The following CNTNAP5 variants were observed in gnomAD, a reference collection of about 807,000 sequenced individuals.
The protein encoded by CNTNAP5 is contactin-associated protein-like 5.
A neutral mutation model predicts 150.2 loss-of-function variants in CNTNAP5; 72 were observed. The ratio of observed to expected loss-of-function variants is 0.48; its 90% CI spans 0.40 to 0.58. CNTNAP5 has a LOEUF of 0.58. Among genes scored for constraint, CNTNAP5 ranks in the 20% least tolerant of loss-of-function variants. The probability of loss-of-function intolerance (pLI) is 0.00; values close to 1 mark genes in which losing one functional copy is unlikely to be tolerated. For missense variants in CNTNAP5, 1,636 were observed against 1,626.2 expected (o/e 1.01, Z -0.10); for synonymous variants, 672 against 619.8 (o/e 1.08, Z -1.25).
At chr2:124,317,873 C>CT (rs1208629515) in intron 3 of CNTNAP5, among the ~76,000 whole-genome samples, 8 of 152,258 alleles carry the variant, frequency 5.3e-5, no homozygotes, top group Admixed American at 5.2e-4. Flanking sequence ...TATTCCAGAA[C>CT]TTTTGCTAGA....
At chr2:124,865,588 T>G (rs1015282947) in intron 20 of CNTNAP5, among the ~76,000 whole-genome samples, 152 bp downstream of exon 20, 4 of 152,216 alleles carry the variant, frequency 2.6e-5, no homozygotes, top group African/African-American at 9.6e-5. Flanking sequence ...ACTAGGATAG[T>G]GGTTCTCAAG....
chr2:124,751,024 A>G (rs572242222), intron 14 of CNTNAP5, among the ~76,000 whole-genome samples: 1 of 151,084 alleles, frequency 6.6e-6, no homozygotes, highest in Non-Finnish European at 1.5e-5. Context: ...AAAAACTGCC[A>G]TGAGTTTTGC....
intron 19 of CNTNAP5, among the ~76,000 whole-genome samples, chr2:124,850,777 G>A (rs543064820): frequency 3.9e-5 from 6 of 152,124 alleles, no homozygotes; most frequent in Admixed American, 1.3e-4. Flanking sequence ...AAGGAAACTA[G>A]GAGAGAAAAA....
chr2:124,780,722 G>T (rs1681432063), intron 17 of CNTNAP5, among the ~76,000 whole-genome samples: 1 of 152,142 alleles, frequency 6.6e-6, no homozygotes. Context: ...GAGAGGATGT[G>T]CCCAGACCAG....
At chr2:124,173,689 A>G (rs1684989572) in intron 1 of CNTNAP5, among the ~76,000 whole-genome samples, 1 of 152,212 alleles carries the variant, frequency 6.6e-6, no homozygotes, top group African/African-American at 2.4e-5. Context: ...CTGTCTCCAT[A>G]ACATACAAGT....
chr2:124,754,097 C>T (rs980791116), intron 14 of CNTNAP5, among the ~76,000 whole-genome samples: 1 of 152,058 alleles, frequency 6.6e-6, no homozygotes, highest in South Asian at 2.1e-4. Flanking sequence ...TTTGATCTTT[C>T]AGAACTCTTT....
At chr2:124,545,120 T>C (rs577019330) in intron 10 of CNTNAP5, among the ~76,000 whole-genome samples, 61 of 152,346 alleles carry the variant, frequency 4.0e-4, no homozygotes, top group African/African-American at 1.4e-3. Flanking sequence ...TTAGAATTCA[T>C]GTTAAAAAAA....
intron 10 of CNTNAP5, among the ~76,000 whole-genome samples, chr2:124,561,321 A>T (rs760390313): frequency 6.6e-6 from 1 of 152,178 alleles, no homozygotes; most frequent in Non-Finnish European, 1.5e-5. Context: ...GGATCTCCTG[A>T]GGACATGCCT....
chr2:124,614,873 G>C (rs1054556097), intron 12 of CNTNAP5, among the ~76,000 whole-genome samples: 2 of 151,962 alleles, frequency 1.3e-5, no homozygotes, highest in African/African-American at 4.8e-5. Flanking sequence ...ATTTTACCCA[G>C]TCCCTATTCA....
chr2:124,355,505 C>G (rs1457163783), intron 3 of CNTNAP5, among the ~76,000 whole-genome samples: 1 of 152,106 alleles, frequency 6.6e-6, no homozygotes, highest in Non-Finnish European at 1.5e-5. Context: ...TCCCACTGAA[C>G]CAACTTTTCC....
rs78813229 is a variant in CNTNAP5 at position 124,384,469 on chromosome 2, A to G, written c.382-32974A>G. Among the ~76,000 whole-genome samples, 219 of 152,330 alleles carry G rather than the reference A, an allele frequency of 1.4e-3. 1 individual carries two copies. In the East Asian group the frequency reaches 0.029, roughly 20 times the overall value. ...TAGAGAAAGGAGGTGTATTTTGGAC[A>G]TAAAGAAAGGGGAAGATGCTTATCA... is the stretch of plus-strand genomic sequence containing the variant. On this transcript the variant is annotated intron_variant, in intron 3 of 23. Coordinates refer to ENST00000682447, the MANE Select transcript of CNTNAP5 (RefSeq NM_001367498.1).
At chr2:124,086,126 A>G (rs1215165069) in intron 1 of CNTNAP5, among the ~76,000 whole-genome samples, 1 of 150,008 alleles carries the variant, frequency 6.7e-6, no homozygotes, top group East Asian at 2.0e-4. Flanking sequence ...TATCGATAGA[A>G]CTGTTTTATC....
intron 3 of CNTNAP5, among the ~76,000 whole-genome samples, chr2:124,399,540 C>T (rs1166033428): frequency 6.6e-6 from 1 of 151,880 alleles, no homozygotes; most frequent in African/African-American, 2.4e-5. Flanking sequence ...TCCTGGAAAG[C>T]TCTGGGGAGG....
intron 19 of CNTNAP5, among the ~76,000 whole-genome samples, chr2:124,834,439 A>C (rs954376906): frequency 2.6e-5 from 4 of 152,278 alleles, no homozygotes. Flanking sequence ...GAAATGGCTA[A>C]TTGTGCCACC....
intron 12 of CNTNAP5, among the ~76,000 whole-genome samples, chr2:124,644,684 G>A (rs933111592): frequency 6.6e-6 from 1 of 152,158 alleles, no homozygotes; most frequent in Non-Finnish European, 1.5e-5. Context: ...GACAGATACA[G>A]ATGATACAGG....
At chr2:124,048,812 C>T (rs1343330457) in intron 1 of CNTNAP5, among the ~76,000 whole-genome samples, 1 of 152,130 alleles carries the variant, frequency 6.6e-6, no homozygotes, top group Non-Finnish European at 1.5e-5. Flanking sequence ...AGAATGCTAA[C>T]CATTTTGGAT....
intron 3 of CNTNAP5, among the ~76,000 whole-genome samples, chr2:124,391,617 G>T (rs1237985935): frequency 6.6e-6 from 1 of 152,202 alleles, no homozygotes; most frequent in Non-Finnish European, 1.5e-5. Context: ...AAAAGGACCA[G>T]TGACAGTCTT....
intron 1 of CNTNAP5, among the ~76,000 whole-genome samples, chr2:124,195,680 A>T (rs1452789403): frequency 6.6e-6 from 1 of 152,210 alleles, no homozygotes; most frequent in Non-Finnish European, 1.5e-5. Flanking sequence ...ACATAATCAT[A>T]TAAGAATGAT....
chr2:124,781,315 G>A (rs1042738941), intron 17 of CNTNAP5, among the ~76,000 whole-genome samples: 1 of 152,184 alleles, frequency 6.6e-6, no homozygotes, highest in African/African-American at 2.4e-5. Context: ...ACTCAAGGCG[G>A]TATGAGCAGG....
Sources: allele counts gnomAD v4.1 joint callset (sites outside exome capture counted in the v4.1 genomes callset), GRCh38; gene constraint gnomAD v4.1.1; transcripts MANE v1.5; gene names NCBI Gene and HGNC (gene_info 2026-07-23, HGNC 2026-07-21).